ZCCHC7: variants seen among roughly 807,000 people sequenced by gnomAD.
ZCCHC7 encodes the protein zinc finger CCHC-type containing 7.
ZCCHC7 carries 35 observed loss-of-function variants against 52.0 expected under a neutral mutation model. The observed-to-expected ratio is 0.67, with a 90% CI of 0.51 to 0.89. The LOEUF is 0.89. Ranked by LOEUF, ZCCHC7 falls within the 40% of genes least tolerant of loss-of-function variation. The pLI is 0.00. For synonymous variants in ZCCHC7, 217 were observed against 221.5 expected (o/e 0.98, Z 0.18); for missense variants, 574 against 649.1 (o/e 0.88, Z 1.26).
intron 2 of ZCCHC7, among the ~76,000 whole-genome samples, chr9:37,211,440 A>G (rs1824208172): frequency 6.6e-6 from 1 of 152,108 alleles, no homozygotes; most frequent in Non-Finnish European, 1.5e-5. Context: ...CATTATACAT[A>G]TTATTTTTCT....
chr9:37,341,272 C>T (rs1281446968), intron 6 of ZCCHC7, among the ~76,000 whole-genome samples: 3 of 152,094 alleles, frequency 2.0e-5, no homozygotes, highest in African/African-American at 7.2e-5. Context: ...TATATTTAAG[C>T]ATGATTTGAT....
At chr9:37,199,702 T>TTCTG (rs1823517657) in intron 2 of ZCCHC7, among the ~76,000 whole-genome samples, 1 of 68,242 alleles carries the variant, frequency 1.5e-5, no homozygotes, top group African/African-American at 5.6e-5. Flanking sequence ...CTGTCTGTCT[T>TTCTG]TCTTTCTGTC....
intron 5 of ZCCHC7, among the ~76,000 whole-genome samples, chr9:37,316,902 A>T (rs1459168637): frequency 6.6e-6 from 1 of 151,882 alleles, no homozygotes; most frequent in Non-Finnish European, 1.5e-5. Context: ...AATAGAAAAA[A>T]AATTGCAGGC....
intron 2 of ZCCHC7, among the ~76,000 whole-genome samples, chr9:37,283,547 C>A (rs1423548424): frequency 1.3e-5 from 2 of 152,190 alleles, no homozygotes; most frequent in African/African-American, 4.8e-5. Flanking sequence ...ATTTATTTGA[C>A]CCCTCTTTTT....
chr9:37,188,514 C>A (rs1488643095), intron 2 of ZCCHC7, among the ~76,000 whole-genome samples: 2 of 108,722 alleles, frequency 1.8e-5, no homozygotes, highest in Non-Finnish European at 3.9e-5. Context: ...CCTTCCCCCT[C>A]CCCCCTCTCC....
intron 2 of ZCCHC7, among the ~76,000 whole-genome samples, chr9:37,175,055 G>T (rs1224764543): frequency 6.6e-6 from 1 of 151,408 alleles, no homozygotes; most frequent in Non-Finnish European, 1.5e-5. Context: ...AGAATTGCGT[G>T]AACCCGGGAG....
At chr9:37,198,855 A>G (rs959222212) in intron 2 of ZCCHC7, among the ~76,000 whole-genome samples, 3 of 152,188 alleles carry the variant, frequency 2.0e-5, no homozygotes, top group African/African-American at 7.2e-5. Context: ...AGAGGCATCA[A>G]AGACTCGTGT....
chr9:37,296,799 A>T (rs1360082863), intron 2 of ZCCHC7, among the ~76,000 whole-genome samples: 1 of 149,934 alleles, frequency 6.7e-6, no homozygotes, highest in African/African-American at 2.5e-5. Context: ...TGCAGCCTCA[A>T]CCTCCAGGGC....
At chr9:37,221,491 A>AG (rs1330935378) in intron 2 of ZCCHC7, among the ~76,000 whole-genome samples, 1 of 152,238 alleles carries the variant, frequency 6.6e-6, no homozygotes, top group Non-Finnish European at 1.5e-5. Flanking sequence ...ATTTAAGGCA[A>AG]GGATAGTATG....
chr9:37,307,979 A>G (rs1448441511), intron 5 of ZCCHC7, among the ~76,000 whole-genome samples: 1 of 152,226 alleles, frequency 6.6e-6, no homozygotes, highest in Non-Finnish European at 1.5e-5. Flanking sequence ...GTACCAATGT[A>G]TCTACCTACC....
At chr9:37,255,464 G>A (rs916456333) in intron 2 of ZCCHC7, among the ~76,000 whole-genome samples, 2 of 152,094 alleles carry the variant, frequency 1.3e-5, no homozygotes, top group African/African-American at 2.4e-5. Flanking sequence ...TGGGGACAGT[G>A]CAAGATTTCA....
chr9:37,165,278 A>G (rs759279951), intron 2 of ZCCHC7, among the ~76,000 whole-genome samples: 1 of 152,094 alleles, frequency 6.6e-6, no homozygotes, highest in Non-Finnish European at 1.5e-5. Flanking sequence ...TGGGAATAAA[A>G]AAGGCAGTTT....
chr9:37,184,148 T>G (rs534711769), intron 2 of ZCCHC7, among the ~76,000 whole-genome samples: 1 of 152,364 alleles, frequency 6.6e-6, no homozygotes, highest in Non-Finnish European at 1.5e-5. Context: ...TTTGTACGTT[T>G]TGGAAGCCTT....
intron 2 of ZCCHC7, among the ~76,000 whole-genome samples, chr9:37,207,653 C>G (rs540848038): frequency 2.6e-5 from 4 of 151,484 alleles, no homozygotes; most frequent in Admixed American, 6.6e-5. Context: ...AAAAAAAAAT[C>G]GATTTTCTGT....
intron 7 of ZCCHC7, among the ~76,000 whole-genome samples, chr9:37,353,965 A>G (rs945589018): frequency 6.6e-5 from 10 of 152,206 alleles, no homozygotes; most frequent in South Asian, 6.2e-4. Flanking sequence ...AAAGCCTGCT[A>G]TGTGGTGAGT....
intron 2 of ZCCHC7, among the ~76,000 whole-genome samples, chr9:37,166,910 T>C (rs1020293932): frequency 2.0e-4 from 30 of 152,226 alleles, no homozygotes; most frequent in African/African-American, 7.2e-4. Context: ...TCAAATAAAA[T>C]ACTTTGTAAA....
chr9:37,308,471 G>A (rs575194829), intron 5 of ZCCHC7, among the ~76,000 whole-genome samples: 1 of 152,112 alleles, frequency 6.6e-6, no homozygotes, highest in Admixed American at 6.5e-5. Flanking sequence ...CTACAGAACA[G>A]TTAAAAATTA....
intron 2 of ZCCHC7, among the ~76,000 whole-genome samples, chr9:37,257,818 C>T (rs1029649634): frequency 6.6e-6 from 1 of 152,140 alleles, no homozygotes; most frequent in East Asian, 1.9e-4. Context: ...TCTAAGTTTC[C>T]TGAGCCCTCA....
intron 2 of ZCCHC7, among the ~76,000 whole-genome samples, chr9:37,248,881 A>G (rs897963862): frequency 6.6e-6 from 1 of 151,980 alleles, no homozygotes; most frequent in Admixed American, 6.5e-5. Flanking sequence ...ACTGATAACT[A>G]TTTTTGTAAA....
Sources: gnomAD v4.1 joint callset for allele counts (sites outside exome capture counted in the v4.1 genomes callset) on GRCh38, gnomAD v4.1.1 for gene constraint, MANE v1.5 for transcripts, NCBI Gene and HGNC (gene_info 2026-07-23, HGNC 2026-07-21) for gene names.